UNC93A: variants seen among roughly 807,000 people sequenced by gnomAD.
UNC93A encodes the protein N-acetylglucosamine transporter UNC93A.
UNC93A carries 43 observed loss-of-function variants against 47.5 expected under a neutral mutation model. That is an observed-to-expected ratio of 0.91 (90% CI 0.71 to 1.17). The LOEUF is 1.17. Among genes scored for constraint, UNC93A ranks in the 50% most tolerant of loss-of-function variants. UNC93A has a pLI of 0.00. For missense variants in UNC93A, 605 were observed against 577.6 expected (o/e 1.05, Z -0.49); for synonymous variants, 280 against 258.0 (o/e 1.09, Z -0.82).
At chr6:167,287,904 G>T (rs1038609510), upstream of UNC93A, among the ~76,000 whole-genome samples, 2 of 152,172 alleles carry the variant, frequency 1.3e-5, no homozygotes, top group African/African-American at 4.8e-5. Context: ...CAATCACAGA[G>T]CTGCTGCTCT....
upstream of UNC93A, among the ~76,000 whole-genome samples, chr6:167,288,762 G>T (rs1356759045): frequency 6.6e-6 from 1 of 152,168 alleles, no homozygotes; most frequent in African/African-American, 2.4e-5. Flanking sequence ...GAAGTTTGGT[G>T]ATTTACAAGG....
chr6:167,298,130 T>G, intron 4 of UNC93A, 60 bp downstream of exon 4: 1 of 1,568,048 alleles, frequency 6.4e-7, no homozygotes, highest in Non-Finnish European at 8.6e-7. Flanking sequence ...GCCTCCTTCC[T>G]GGGCTGACAA....
At chr6:167,307,704 C>A (rs377058096) in intron 6 of UNC93A, 75 bp from the exon 7 acceptor site, 1 of 1,512,806 alleles carries the variant, frequency 6.6e-7, no homozygotes, top group Non-Finnish European at 8.9e-7. Context: ...TGCTCCAGCA[C>A]TGACCCACCT....
intron 7 of UNC93A, among the ~76,000 whole-genome samples, chr6:167,311,386 C>T (rs1778552165): frequency 6.6e-6 from 1 of 152,250 alleles, no homozygotes; most frequent in East Asian, 1.9e-4. Flanking sequence ...TGGGCTCCAG[C>T]CATCCCCTGG....
chr6:167,293,355 T>C (rs151337134), intron 1 of UNC93A, among the ~76,000 whole-genome samples: 1 of 152,102 alleles, frequency 6.6e-6, no homozygotes, highest in Non-Finnish European at 1.5e-5. Context: ...GCCCCAGGAC[T>C]GTGGAAGGGT....
At chr6:167,312,380 G>A (rs113663892) in intron 7 of UNC93A, among the ~76,000 whole-genome samples, 7,713 of 152,050 alleles carry the variant, frequency 0.051, 37 homozygotes, top group East Asian at 0.16. Context: ...CAGGGAGCCA[G>A]CAGTCAAGAA....
chr6:167,306,315 T>G (rs541521368), intron 6 of UNC93A, among the ~76,000 whole-genome samples: 196 of 152,210 alleles, frequency 1.3e-3, no homozygotes, highest in Admixed American at 2.7e-3. Flanking sequence ...GGGCACTCGG[T>G]GTGGTGACCA....
intron 1 of UNC93A, 139 bp from the exon 2 acceptor site, chr6:167,294,378 C>A: frequency 1.1e-6 from 1 of 939,124 alleles, no homozygotes; most frequent in Non-Finnish European, 1.6e-6. Context: ...TCAGAGGAGG[C>A]TCCCAGGGCA....
At chr6:167,284,601 T>C (rs1583064467) in intron 1 of UNC93A, among the ~76,000 whole-genome samples, 1 of 152,422 alleles carries the variant, frequency 6.6e-6, no homozygotes, top group Admixed American at 6.5e-5. Context: ...ATACTGATCA[T>C]GGCTTTCGGG....
At chr6:167,302,671 G>A (rs1221398239) in intron 4 of UNC93A, among the ~76,000 whole-genome samples, 1 of 152,094 alleles carries the variant, frequency 6.6e-6, no homozygotes, top group Non-Finnish European at 1.5e-5. Flanking sequence ...GTCATATTTT[G>A]GAATTATGAG....
At chr6:167,289,034 CT>C (rs1275708055), upstream of UNC93A, among the ~76,000 whole-genome samples, 14 of 152,416 alleles carry the variant, frequency 9.2e-5, no homozygotes, top group African/African-American at 2.6e-4. Context: ...CTTTTAAATC[CT>C]TTACACGTAC....
intron 4 of UNC93A, among the ~76,000 whole-genome samples, chr6:167,303,468 A>G (rs774880239): frequency 1.1e-4 from 16 of 152,152 alleles, no homozygotes; most frequent in Non-Finnish European, 2.1e-4. Context: ...GGACTTTTGC[A>G]CAAAATTGTT....
Position 167,291,578 on chromosome 6 carries a change from T to A in UNC93A, c.87+2T>A, listed in dbSNP as rs969563890. On this transcript the variant is annotated splice_donor_variant, in intron 1 of 7. Coordinates refer to ENST00000230256, the MANE Select transcript of UNC93A (RefSeq NM_018974.4). LOFTEE classifies it high-confidence loss of function. ...TATGGAGGTCTGCAGAGCCTGCAGG[T>A]ATGTGTGTCCGGTCATCAAATTACC... 1 of 1,608,772 alleles carries A rather than the reference T, an allele frequency of 6.2e-7. No homozygotes were observed.
chr6:167,278,483 C>T (rs1030184141), intron 1 of UNC93A, among the ~76,000 whole-genome samples: 2 of 152,208 alleles, frequency 1.3e-5, no homozygotes, highest in African/African-American at 4.8e-5. Flanking sequence ...GACCCACGGC[C>T]TGCCCTCACC....
chr6:167,275,582 G>C (rs777794831), intron 1 of UNC93A, among the ~76,000 whole-genome samples: 1 of 152,192 alleles, frequency 6.6e-6, no homozygotes, highest in Non-Finnish European at 1.5e-5. Flanking sequence ...GACACAGTGC[G>C]TGTGTTCATT....
chr6:167,301,557 G>A (rs1778241169), intron 4 of UNC93A, among the ~76,000 whole-genome samples: 1 of 152,100 alleles, frequency 6.6e-6, no homozygotes, highest in Non-Finnish European at 1.5e-5. Flanking sequence ...TTAGAATTTA[G>A]GACACAGCTG....
chr6:167,313,768 C>T (rs1036166341), intron 7 of UNC93A, among the ~76,000 whole-genome samples: 2 of 152,134 alleles, frequency 1.3e-5, no homozygotes, highest in African/African-American at 2.4e-5. Context: ...GCCATGGTGT[C>T]TCAACTTGGA....
At chr6:167,311,475 G>T (rs1778554102) in intron 7 of UNC93A, among the ~76,000 whole-genome samples, 1 of 152,222 alleles carries the variant, frequency 6.6e-6, no homozygotes, top group African/African-American at 2.4e-5. Context: ...GGGTGCAGTT[G>T]CCATGGCAAC....
chr6:167,271,621 G>T (rs1783453456), intron 1 of UNC93A, among the ~76,000 whole-genome samples: 1 of 152,108 alleles, frequency 6.6e-6, no homozygotes, highest in South Asian at 2.1e-4. Flanking sequence ...CATATGGGAG[G>T]AAAAGTTTCC....
Sources: allele counts gnomAD v4.1 joint callset (sites outside exome capture counted in the v4.1 genomes callset), GRCh38; gene constraint gnomAD v4.1.1; transcripts MANE v1.5; gene names NCBI Gene and HGNC (gene_info 2026-07-23, HGNC 2026-07-21).